The following DPP6 variants were observed in gnomAD, a reference collection of about 807,000 sequenced individuals.
DPP6 encodes the protein A-type potassium channel modulatory protein DPP6.
In DPP6, 69 loss-of-function variants were observed where a neutral mutation model predicts 122.6. The ratio of observed to expected loss-of-function variants is 0.56; its 90% CI spans 0.46 to 0.69. DPP6 has a LOEUF of 0.69. DPP6 is among the 30% of genes least tolerant of loss of function. The probability of loss-of-function intolerance (pLI) is 0.00; values close to 1 mark genes in which losing one functional copy is unlikely to be tolerated. For synonymous variants in DPP6, 418 were observed against 433.1 expected (o/e 0.97, Z 0.43); for missense variants, 928 against 1,116.9 (o/e 0.83, Z 2.41).
chr7:154,040,357 GGA>G (rs1220495802), intron 1 of DPP6, among the ~76,000 whole-genome samples: 22 of 149,856 alleles, frequency 1.5e-4, no homozygotes, highest in Admixed American at 7.9e-4. Flanking sequence ...ATCAAAATAA[GGA>G]AAAACACACG....
intron 1 of DPP6, among the ~76,000 whole-genome samples, chr7:154,177,236 G>C (rs1353264199): frequency 6.6e-6 from 1 of 152,122 alleles, no homozygotes; most frequent in Non-Finnish European, 1.5e-5. Flanking sequence ...GCATAGAAAT[G>C]GATGGCTTCA....
intron 2 of DPP6, among the ~76,000 whole-genome samples, chr7:154,454,324 C>A (rs532072025): frequency 6.6e-6 from 1 of 152,140 alleles, no homozygotes; most frequent in African/African-American, 2.4e-5. Flanking sequence ...TGGCTGCTGC[C>A]GATGCTACCA....
At chr7:154,768,931 G>C (rs1391546884) in intron 8 of DPP6, among the ~76,000 whole-genome samples, 2 of 152,164 alleles carry the variant, frequency 1.3e-5, no homozygotes, top group African/African-American at 4.8e-5. Flanking sequence ...CTGTGTGTGC[G>C]TAAATCCCTG....
intron 6 of DPP6, among the ~76,000 whole-genome samples, chr7:154,646,935 G>C (rs4960673): frequency 0.27 from 41,172 of 152,112 alleles, 5,668 homozygotes; most frequent in African/African-American, 0.3. Context: ...GAATCATTTA[G>C]TTCCCTCAGG....
chr7:154,407,456 T>C (rs1003903711), intron 1 of DPP6, among the ~76,000 whole-genome samples: 2 of 152,192 alleles, frequency 1.3e-5, no homozygotes, highest in African/African-American at 4.8e-5. Flanking sequence ...GAAGTTATAG[T>C]GTTTTCTTTG....
intron 1 of DPP6, among the ~76,000 whole-genome samples, chr7:154,393,709 T>C (rs1003891797): frequency 3.3e-5 from 5 of 152,152 alleles, no homozygotes; most frequent in African/African-American, 9.7e-5. Context: ...ATTAAATGCA[T>C]TAATAATGTT....
At chr7:154,382,734 T>G (rs1296207605) in intron 1 of DPP6, among the ~76,000 whole-genome samples, 1 of 152,122 alleles carries the variant, frequency 6.6e-6, no homozygotes, top group Non-Finnish European at 1.5e-5. Context: ...TATTCCTTTT[T>G]GTTTGTTTGT....
chr7:154,350,242 G>T (rs1232206197), intron 1 of DPP6, among the ~76,000 whole-genome samples: 2 of 152,140 alleles, frequency 1.3e-5, no homozygotes, highest in Non-Finnish European at 2.9e-5. Flanking sequence ...GCAGGAACAG[G>T]GGAAACAGTT....
chr7:154,321,511 G>A (rs541236222), intron 1 of DPP6, among the ~76,000 whole-genome samples: 4 of 151,832 alleles, frequency 2.6e-5, no homozygotes, highest in Non-Finnish European at 4.4e-5. Context: ...GGCCAGGCGC[G>A]GTCGCTCACG....
At chr7:153,803,475 G>A in the DPP6 span, among the ~76,000 whole-genome samples, 19 of 151,904 alleles carry the variant, frequency 1.3e-4, no homozygotes, top group Non-Finnish European at 2.1e-4. Context: ...CTGCCTGAAC[G>A]GGGATGCTTC....
chr7:154,171,463 C>T (rs1339277876), intron 1 of DPP6, among the ~76,000 whole-genome samples: 2 of 152,230 alleles, frequency 1.3e-5, no homozygotes, highest in African/African-American at 4.8e-5. Context: ...CAAATCTGCT[C>T]TGTTCTCAGC....
chr7:154,837,126 C>T (rs1237486633), intron 16 of DPP6, among the ~76,000 whole-genome samples: 1 of 151,932 alleles, frequency 6.6e-6, no homozygotes, highest in Non-Finnish European at 1.5e-5. Flanking sequence ...CACATGCATG[C>T]AGGCACATTC....
chr7:154,313,685 G>GTGTATATA, intron 1 of DPP6, among the ~76,000 whole-genome samples: 246 of 20,338 alleles, frequency 0.012, 6 homozygotes, highest in Non-Finnish European at 0.021. Context: ...TTAAGATATG[G>GTGTATATA]TATATATATA....
intron 1 of DPP6, among the ~76,000 whole-genome samples, chr7:154,126,152 A>G (rs561942804): frequency 1.4e-4 from 21 of 152,292 alleles, no homozygotes; most frequent in African/African-American, 3.4e-4. Context: ...AACATCTTCA[A>G]TATTCATTTT....
intron 1 of DPP6, among the ~76,000 whole-genome samples, chr7:154,195,535 G>C (rs1303652144): frequency 1.3e-5 from 2 of 152,144 alleles, no homozygotes; most frequent in Non-Finnish European, 2.9e-5. Flanking sequence ...CTGCATTCAC[G>C]GATGCTCTTC....
At chr7:153,781,583 GC>G in the DPP6 span, among the ~76,000 whole-genome samples, 2 of 152,174 alleles carry the variant, frequency 1.3e-5, no homozygotes, top group African/African-American at 4.8e-5. Flanking sequence ...CCCTGTGAAA[GC>G]TTTTCTGCTC....
chr7:154,617,472 A>G (rs1834339218), intron 5 of DPP6, among the ~76,000 whole-genome samples: 2 of 152,172 alleles, frequency 1.3e-5, no homozygotes, highest in Admixed American at 1.3e-4. Flanking sequence ...GTCATATCAG[A>G]TGGCCAGGAA....
chr7:154,880,872 C>T lies in DPP6; in HGVS notation c.2079-16C>T. 6.2e-7 allele frequency: 1 copy of T among 1,613,886 alleles called. No homozygotes were observed. The highest frequency in any genetic ancestry group is 8.5e-7 in the Non-Finnish European group (1 of 1,179,788). ...GGATGTGCACTGAACCCTCTTTCCC[C>T]TCCTCGACCTCACAGGACGATGCTG... On this transcript the variant is annotated splice_polypyrimidine_tract_variant and intron_variant, in intron 20 of 25. Transcript: ENST00000377770.
At chr7:154,646,722 G>T (rs1165998938) in intron 6 of DPP6, among the ~76,000 whole-genome samples, 1 of 152,162 alleles carries the variant, frequency 6.6e-6, no homozygotes, top group Admixed American at 6.5e-5. Context: ...GGTGGGAAGG[G>T]TGTGGACTCT....
Sources: gnomAD v4.1 joint callset for allele counts (sites outside exome capture counted in the v4.1 genomes callset) on GRCh38, gnomAD v4.1.1 for gene constraint, MANE v1.5 for transcripts, NCBI Gene and HGNC (gene_info 2026-07-23, HGNC 2026-07-21) for gene names.